Variants in NWD2 observed in about 807,000 individuals in gnomAD.
The protein encoded by NWD2 is NACHT and WD repeat domain containing 2, also known as NACHT and WD repeat domain-containing protein 2.
In NWD2, 37 loss-of-function variants were observed where a neutral mutation model predicts 132.7. That is an observed-to-expected ratio of 0.28 (90% CI 0.21 to 0.37). NWD2 has a LOEUF of 0.37. Ranked by LOEUF, NWD2 falls within the 10% of genes least tolerant of loss-of-function variation. NWD2 has a pLI of 1.00. For synonymous variants in NWD2, 705 were observed against 803.0 expected (o/e 0.88, Z 2.06); for missense variants, 1,592 against 2,122.4 (o/e 0.75, Z 4.91).
chr4:37,390,238 T>A (rs963272469), intron 3 of NWD2, among the ~76,000 whole-genome samples: 1 of 151,212 alleles, frequency 6.6e-6, no homozygotes, highest in African/African-American at 2.5e-5. Context: ...ACATATACTT[T>A]AAGTATATGT....
intron 1 of NWD2, among the ~76,000 whole-genome samples, chr4:37,317,204 G>A (rs955175789): frequency 1.3e-5 from 2 of 152,104 alleles, no homozygotes; most frequent in Non-Finnish European, 2.9e-5. Context: ...TTCTCCACCA[G>A]GCCTTTTCTT....
At chr4:37,278,879 A>G (rs966665588) in intron 1 of NWD2, among the ~76,000 whole-genome samples, 2 of 152,192 alleles carry the variant, frequency 1.3e-5, no homozygotes, top group East Asian at 1.9e-4. Context: ...AGAAGGGTAC[A>G]CAGTTTTGCC....
intron 3 of NWD2, among the ~76,000 whole-genome samples, chr4:37,427,375 G>C (rs935234955): frequency 6.6e-6 from 1 of 152,136 alleles, no homozygotes; most frequent in African/African-American, 2.4e-5. Context: ...ATGTTCCTCT[G>C]TGTGTGTGAT....
At chr4:37,281,269 T>C (rs1718123131) in intron 1 of NWD2, among the ~76,000 whole-genome samples, 1 of 152,192 alleles carries the variant, frequency 6.6e-6, no homozygotes, top group South Asian at 2.1e-4. Context: ...TGTCCTCGTG[T>C]GACAGTTTGT....
At chr4:37,336,565 G>C (rs1719409597) in intron 2 of NWD2, among the ~76,000 whole-genome samples, 1 of 152,202 alleles carries the variant, frequency 6.6e-6, no homozygotes, top group African/African-American at 2.4e-5. Flanking sequence ...GCCTTAACTA[G>C]AGGAGCCCCA....
At chr4:37,373,127 G>T (rs1208208698) in intron 3 of NWD2, among the ~76,000 whole-genome samples, 1 of 152,166 alleles carries the variant, frequency 6.6e-6, no homozygotes, top group East Asian at 1.9e-4. Context: ...TCTGCATTTT[G>T]CATATAGTAA....
At chr4:37,357,475 G>A (rs1012624867) in intron 3 of NWD2, among the ~76,000 whole-genome samples, 1 of 152,156 alleles carries the variant, frequency 6.6e-6, no homozygotes, top group Non-Finnish European at 1.5e-5. Flanking sequence ...GTATCATATA[G>A]TATTTGTAGT....
At chr4:37,355,756 C>T (rs949212668) in intron 2 of NWD2, among the ~76,000 whole-genome samples, 2 of 152,118 alleles carry the variant, frequency 1.3e-5, no homozygotes, top group African/African-American at 2.4e-5. Context: ...ATCCTATTAT[C>T]CTCACTTTTC....
intron 2 of NWD2, among the ~76,000 whole-genome samples, chr4:37,327,111 C>T (rs1719188401): frequency 6.6e-6 from 1 of 152,106 alleles, no homozygotes; most frequent in African/African-American, 2.4e-5. Flanking sequence ...ATAATAGGGT[C>T]CCAATTGTTA....
At chr4:37,270,220 T>G in intron 1 of NWD2, among the ~76,000 whole-genome samples, 1 of 151,796 alleles carries the variant, frequency 6.6e-6, no homozygotes, top group Non-Finnish European at 1.5e-5. Context: ...AGGTTAACCA[T>G]GCTCATATCA....
intron 1 of NWD2, among the ~76,000 whole-genome samples, chr4:37,274,958 T>C (rs1377726075): frequency 5.3e-5 from 8 of 152,010 alleles, no homozygotes; most frequent in African/African-American, 1.7e-4. Context: ...CTATGACAAA[T>C]GCACAGCCAA....
chr4:37,294,225 G>A (rs758114129), intron 1 of NWD2, among the ~76,000 whole-genome samples: 15 of 152,126 alleles, frequency 9.9e-5, no homozygotes, highest in Non-Finnish European at 1.8e-4. Flanking sequence ...GAAACAGTAC[G>A]TACACATCGT....
intron 1 of NWD2, among the ~76,000 whole-genome samples, chr4:37,270,504 G>C (rs1717846938): frequency 6.6e-6 from 1 of 151,424 alleles, no homozygotes; most frequent in Admixed American, 6.6e-5. Flanking sequence ...AAGCAGCTAG[G>C]GTGCATGGCT....
intron 1 of NWD2, among the ~76,000 whole-genome samples, chr4:37,302,716 G>T (rs1718633929): frequency 6.6e-6 from 1 of 151,990 alleles, no homozygotes; most frequent in Non-Finnish European, 1.5e-5. Flanking sequence ...GATGATTAGT[G>T]ATGTTAAACA....
chr4:37,425,020 T>C (rs905091762), intron 3 of NWD2, among the ~76,000 whole-genome samples: 1 of 152,202 alleles, frequency 6.6e-6, no homozygotes, highest in African/African-American at 2.4e-5. Flanking sequence ...TCTAAGCCTT[T>C]GAAAGCAGTG....
intron 3 of NWD2, among the ~76,000 whole-genome samples, chr4:37,377,049 T>G (rs1720361834): frequency 6.6e-6 from 1 of 152,206 alleles, no homozygotes; most frequent in Admixed American, 6.5e-5. Flanking sequence ...TATTGCAGAA[T>G]TCTTAGAAAT....
At chr4:37,252,329 A>G (rs529857102) in intron 1 of NWD2, among the ~76,000 whole-genome samples, 1 of 152,218 alleles carries the variant, frequency 6.6e-6, no homozygotes, top group Non-Finnish European at 1.5e-5. Context: ...ATAAAGGTAA[A>G]CTATATACAT....
At position 37,444,441 on chromosome 4, in the gene NWD2, A is replaced by G; in HGVS notation, c.2453A>G (p.Gln818Arg). Residue 818 changes from glutamine (Q) to arginine (R), a missense_variant, in exon 7 of 7, where the codon CAG becomes CGG. Around this residue, in one of 7 missense-constraint regions of NWD2, gnomAD observed 1,071 missense variants for 1,398.0 expected, o/e 0.77. Coordinates refer to ENST00000309447, the MANE Select transcript of NWD2 (RefSeq NM_001144990.2). The surrounding 1 kb of genome is among the most constrained non-coding windows in gnomAD (Gnocchi z 4.8). ...RQAPDQPWVF[Q>R]CNPLEPDIFF... ...GCTCCAGACCAGCCCTGGGTTTTCC[A>G]GTGTAATCCCCTGGAACCTGACATC... 1 of 1,552,004 alleles carries G rather than the reference A, an allele frequency of 6.4e-7. No individual in the cohort carries two copies.
rs181105990 is a variant in NWD2, at chr4:37,396,962, G to A, written c.358-33610G>A. On this transcript the variant is annotated intron_variant, in intron 3 of 6. Coordinates refer to ENST00000309447, the MANE Select transcript of NWD2 (RefSeq NM_001144990.2). ...GTGGGAGAATTGCTTGAACCCAGGA[G>A]GCGGAGGTTGCAGTGAGCCAAGATC... 1.9e-3 allele frequency among the ~76,000 whole-genome samples: 284 copies of A among 152,224 alleles called. 3 individuals carry two copies. Among genetic ancestry groups the A allele is most frequent in the Admixed American group, 0.017 (264 of 15,292 alleles).
Sources: allele counts gnomAD v4.1 joint callset (sites outside exome capture counted in the v4.1 genomes callset), GRCh38; gene constraint gnomAD v4.1.1; regional missense constraint gnomAD v4.1.1; non-coding constraint Gnocchi (gnomAD v3.1); transcripts MANE v1.5; gene names NCBI Gene and HGNC (gene_info 2026-07-23, HGNC 2026-07-21).